Variants in PAPPA2 observed in about 807,000 individuals in gnomAD.
PAPPA2 encodes pappalysin-2.
A neutral mutation model predicts 176.4 loss-of-function variants in PAPPA2; 86 were observed. The ratio of observed to expected loss-of-function variants is 0.49; its 90% CI spans 0.41 to 0.58. The LOEUF is 0.58. PAPPA2 is among the 20% of genes least tolerant of loss of function. PAPPA2 has a pLI of 0.00. For missense variants in PAPPA2, 2,073 were observed against 2,256.9 expected (o/e 0.92, Z 1.65); for synonymous variants, 809 against 852.2 (o/e 0.95, Z 0.88).
rs139967743 is a variant in PAPPA2 at position 176,708,530 on chromosome 1, T to TATAGAG, written c.3458-1452_3458-1451insTAGAGA. 1.4e-3 allele frequency among the ~76,000 whole-genome samples: 203 copies of TATAGAG among 145,590 alleles called. 7 individuals are homozygous for TATAGAG. In the East Asian group the frequency reaches 0.033, roughly 24 times the overall value. ...AACAAAACAAAACTATACGTACATG[T>TATAGAG]AGAGAGAGAGAGAGAGAGAGAGAGA... On this transcript the variant is annotated intron_variant, in intron 10 of 22. Transcript: ENST00000367662.
rs1352071494 is a variant in PAPPA2 at position 176,640,875 on chromosome 1, T to C, written c.1992-30095T>C. Reference sequence around the variant, plus strand: ...TGTTGTTTCCTGACTTTTTAATGATTGCCATTCTAACTGGTGTGAGATGGT... The same window carrying C: ...TGTTGTTTCCTGACTTTTTAATGATCGCCATTCTAACTGGTGTGAGATGGT... On this transcript the variant is annotated intron_variant, in intron 3 of 22. Coordinates refer to ENST00000367662, the MANE Select transcript of PAPPA2 (RefSeq NM_020318.3). Among the ~76,000 whole-genome samples the C allele has an allele frequency of 8.5e-4, 129 of 151,708 alleles. 1 individual carries two copies. In the East Asian group the frequency reaches 0.021, roughly 25 times the overall value.
At chr1:176,581,413 C>G (rs1652951951) in intron 2 of PAPPA2, among the ~76,000 whole-genome samples, 2 of 152,038 alleles carry the variant, frequency 1.3e-5, no homozygotes, top group South Asian at 4.2e-4. Flanking sequence ...CAGCTTTGTT[C>G]TTTTTGCTCG....
At chr1:176,553,348 T>G (rs1288676001) in intron 1 of PAPPA2, 1 of 149,170 alleles carries the variant, frequency 6.7e-6, no homozygotes, top group Non-Finnish European at 1.5e-5. Flanking sequence ...GAGTCCTTCT[T>G]CTCCGTGGGG....
chr1:176,640,161 AT>A (rs1656985127), intron 3 of PAPPA2, among the ~76,000 whole-genome samples: 1 of 150,284 alleles, frequency 6.7e-6, no homozygotes. Flanking sequence ...AATGAATTTT[AT>A]TTTTTATTTT....
At chr1:176,804,278 A>G (rs1468953902) in intron 21 of PAPPA2, among the ~76,000 whole-genome samples, 1 of 151,986 alleles carries the variant, frequency 6.6e-6, no homozygotes, top group Admixed American at 6.6e-5. Flanking sequence ...CCTGTGACTT[A>G]TTTCTCTAAG....
chr1:176,510,531 A>AT (rs1299875581), intron 1 of PAPPA2, among the ~76,000 whole-genome samples: 24 of 152,188 alleles, frequency 1.6e-4, no homozygotes, highest in Non-Finnish European at 3.4e-4. Context: ...GTTATAAGAC[A>AT]TTCTTGAGGA....
chr1:176,626,572 A>ATTTCATCATCATC (rs1258572881), intron 3 of PAPPA2, among the ~76,000 whole-genome samples: 1 of 152,230 alleles, frequency 6.6e-6, no homozygotes, highest in Non-Finnish European at 1.5e-5. Context: ...ATTTTACAAA[A>ATTTCATCATCATC]ATTTCATCAT....
At chr1:176,782,325 G>T (rs983671549) in intron 17 of PAPPA2, among the ~76,000 whole-genome samples, 1 of 152,148 alleles carries the variant, frequency 6.6e-6, no homozygotes, top group Non-Finnish European at 1.5e-5. Context: ...AGCAAATAAT[G>T]CTTTGCCCTC....
intron 3 of PAPPA2, among the ~76,000 whole-genome samples, chr1:176,627,590 A>G (rs1178969673): frequency 6.6e-6 from 1 of 152,164 alleles, no homozygotes; most frequent in Admixed American, 6.5e-5. Context: ...AAAAGGTGTT[A>G]TTTTCATTAT....
intron 3 of PAPPA2, among the ~76,000 whole-genome samples, chr1:176,660,916 T>G (rs1658323822): frequency 6.6e-6 from 1 of 152,130 alleles, no homozygotes; most frequent in African/African-American, 2.4e-5. Flanking sequence ...TCTCTCCTGT[T>G]TCCTGTATCA....
intron 3 of PAPPA2, among the ~76,000 whole-genome samples, chr1:176,666,575 G>A (rs1365403773): frequency 1.5e-5 from 2 of 133,916 alleles, no homozygotes; most frequent in African/African-American, 2.7e-5. Context: ...GTGTGTGTGT[G>A]TGTGTGTGTG....
intron 3 of PAPPA2, among the ~76,000 whole-genome samples, chr1:176,608,155 C>A (rs1187888014): frequency 6.6e-6 from 1 of 152,092 alleles, no homozygotes; most frequent in East Asian, 1.9e-4. Context: ...CAATGGGAAT[C>A]TACAGTTTAT....
Position 176,765,821 on chromosome 1 carries a change from A to T in PAPPA2, c.4307A>T (p.Tyr1436Phe). ...GFALQASSGQ[Y>F]IRPMQKEILL... is the part of the protein sequence containing the mutation. ...GCCCTTCAGGCCAGCAGTGGGCAGT[A>T]CATCAGGCCCATGCAGGTGAGTTGA... Residue 1436 changes from tyrosine to phenylalanine, a missense_variant, in exon 15 of 23, where the codon TAC becomes TTC. Physicochemically the swap from Tyr to Phe is conservative, Grantham distance 22 (BLOSUM62 3). This residue lies in a region of PAPPA2 where 846 missense variants were observed against 857.9 expected (regional missense o/e 0.99). Coordinates refer to ENST00000367662, the MANE Select transcript of PAPPA2 (RefSeq NM_020318.3). 6.2e-7 allele frequency: 1 copy of T among 1,614,036 alleles called. No homozygotes were observed. The highest frequency in any genetic ancestry group is 8.5e-7 in the Non-Finnish European group (1 of 1,179,980).
intron 14 of PAPPA2, among the ~76,000 whole-genome samples, chr1:176,744,936 T>C: frequency 6.6e-6 from 1 of 152,208 alleles, no homozygotes; most frequent in East Asian, 1.9e-4. Context: ...GAAATGACCT[T>C]ATAGTATTCT....
chr1:176,491,642 C>T (rs1028587020), intron 1 of PAPPA2, among the ~76,000 whole-genome samples: 3 of 152,112 alleles, frequency 2.0e-5, no homozygotes, highest in Middle Eastern at 3.2e-3. Context: ...GAAAAATAAA[C>T]ATTGTTGCTA....
At chr1:176,616,527 A>G in intron 3 of PAPPA2, 1 of 1,253,326 alleles carries the variant, frequency 8.0e-7, no homozygotes, top group Non-Finnish European at 1.1e-6. Context: ...CTTAATTTTT[A>G]CAAAATGTAA....
intron 2 of PAPPA2, among the ~76,000 whole-genome samples, chr1:176,585,880 A>G (rs562624977): frequency 6.6e-6 from 1 of 152,156 alleles, no homozygotes; most frequent in East Asian, 1.9e-4. Flanking sequence ...CAAATAATGA[A>G]TTTTTTTATT....
At chr1:176,664,750 G>C (rs2102763886) in intron 3 of PAPPA2, among the ~76,000 whole-genome samples, 3 of 152,226 alleles carry the variant, frequency 2.0e-5, no homozygotes, top group Middle Eastern at 6.8e-3. Flanking sequence ...ATTCCATTTT[G>C]CTTCTAGTAA....
chr1:176,680,940 A>T (rs1416559070), intron 4 of PAPPA2, among the ~76,000 whole-genome samples: 1 of 152,202 alleles, frequency 6.6e-6, no homozygotes, highest in Non-Finnish European at 1.5e-5. Context: ...GGAAAAGAGG[A>T]GTTCTGTTTG....
Sources: gnomAD v4.1 joint callset for allele counts (sites outside exome capture counted in the v4.1 genomes callset) on GRCh38, gnomAD v4.1.1 for gene constraint, gnomAD v4.1.1 regional missense constraint, MANE v1.5 for transcripts, NCBI Gene and HGNC (gene_info 2026-07-23, HGNC 2026-07-21) for gene names.